Variants in CERS2 observed in about 807,000 individuals in gnomAD.
CERS2 encodes ceramide synthase 2.
In CERS2, 20 loss-of-function variants were observed where a neutral mutation model predicts 56.6. That is an observed-to-expected ratio of 0.35 (90% CI 0.25 to 0.51). The LOEUF is 0.51. Among genes scored for constraint, CERS2 ranks in the 20% least tolerant of loss-of-function variants. The probability of loss-of-function intolerance (pLI) is 0.96; values close to 1 mark genes in which losing one functional copy is unlikely to be tolerated. For missense variants in CERS2, 361 were observed against 488.6 expected (o/e 0.74, Z 2.46); for synonymous variants, 187 against 175.4 (o/e 1.07, Z -0.52).
At position 150,966,217 on chromosome 1, in the gene CERS2, T is replaced by TC; in HGVS notation, c.1073dup (p.Gly359ArgfsTer16). On this transcript the variant is annotated frameshift_variant, in exon 11 of 11. Coordinates refer to ENST00000368954, the MANE Select transcript of CERS2 (RefSeq NM_022075.5). LOFTEE classifies it high-confidence loss of function. ...TGGCTAGGGGCCGGCTCTTTGCTCC[T>TC]CCCCCAGCTGCAGCCTCCTCCCCCT... 6.2e-7 allele frequency: 1 copy of TC among 1,607,264 alleles called. No individual in the cohort carries two copies. The highest frequency in any genetic ancestry group is 8.5e-7 in the Non-Finnish European group (1 of 1,178,146).
At chr1:150,969,170 TG>T in intron 1 of CERS2, 79 bp from the exon 2 acceptor site, 3 of 1,309,966 alleles carry the variant, frequency 2.3e-6, no homozygotes, top group Non-Finnish European at 3.2e-6. Context: ...GTTTTCAGGA[TG>T]TATCAAAAGG....
In CERS2 at chr1:150,966,098, G is replaced by T. The variant is rs766147664; in HGVS notation, c.*50C>A. The T allele has an allele frequency of 7.6e-6, 12 of 1,574,448 alleles. No homozygotes were observed. In the South Asian group the frequency reaches 1.1e-4, roughly 15 times the overall value. On this transcript the variant is annotated 3_prime_UTR_variant, in exon 11 of 11. Coordinates refer to ENST00000368954, the MANE Select transcript of CERS2 (RefSeq NM_022075.5). ...GTGACCCTATAGCGCAGGGAGCGGG[G>T]TAGTTCCTTGGCTTTATGCATTAAT...
chr1:150,968,216 G>A lies in CERS2; in HGVS notation c.292-15C>T. On this transcript the variant is annotated splice_polypyrimidine_tract_variant and intron_variant, in intron 3 of 10. Coordinates refer to ENST00000368954, the MANE Select transcript of CERS2 (RefSeq NM_022075.5). ...TCTACTTCCACCTGGGCACAGTGAA[G>A]AAGCCCATTGTTATGTTTACCTTCG... The A allele has an allele frequency of 6.2e-7, 1 of 1,606,488 alleles. No homozygotes were observed. Among genetic ancestry groups the A allele is most frequent in the Non-Finnish European group, 8.5e-7 (1 of 1,177,440 alleles).
At position 150,968,543 on chromosome 1, in the gene CERS2, C is replaced by T. The variant is rs989321294; in HGVS notation, c.174-31G>A. 5 of 1,538,422 alleles carry T rather than the reference C, an allele frequency of 3.3e-6. No individual in the cohort carries two copies. The East Asian group carries it at 6.7e-5, about 21-fold the overall frequency. Reference sequence around the variant, plus strand: ...GAAGGGATATGAGTAAGGTATCTAGCTTGCTGGGAAGGGAAAGGGCTGCAA... The same window carrying T: ...GAAGGGATATGAGTAAGGTATCTAGTTTGCTGGGAAGGGAAAGGGCTGCAA... On this transcript the variant is annotated intron_variant, in intron 2 of 10. Transcript: ENST00000368954.
chr1:150,967,101 C>G lies in CERS2; in HGVS notation c.714G>C (p.Leu238=). ...CCAGCAGGTAATCGGAAGAGTCATG[C>G]AGAGCCATGATTAGAGTCCCAGCTC... ...YIRAGTLIMA[L]HDSSDYLLES... The change falls in exon 8 of 11, where the codon CTG becomes CTC. Residue 238 remains leucine, a synonymous_variant. Transcript: ENST00000368954. The G allele has an allele frequency of 6.2e-7, 1 of 1,614,058 alleles. No homozygotes were observed. The highest frequency in any genetic ancestry group is 8.5e-7 in the Non-Finnish European group (1 of 1,179,938).
rs1671277544 is a variant in CERS2, at chr1:150,974,704, T to A, written c.-87A>T. On this transcript the variant is annotated 5_prime_UTR_variant, in exon 1 of 11. Coordinates refer to ENST00000368954, the MANE Select transcript of CERS2 (RefSeq NM_022075.5). ...TTGCTCCGAGGCCCCGAGGCCTGGC[T>A]CCCCGCGCCTCTCCTCCCTCTTCCG... The A allele has an allele frequency of 6.8e-6, 1 of 147,348 alleles. No homozygotes were observed. The highest frequency in any genetic ancestry group is 2.5e-5 in the African/African-American group (1 of 39,540). The allele number at this position is 147,348 out of a possible 1,614,324, so 9.1% of individuals were successfully genotyped here. A position where few individuals can be genotyped will look rare whatever the true frequency, so the allele number is the denominator to read the frequency against.
chr1:150,968,646 A>T (rs1330643713), intron 2 of CERS2, 134 bp from the exon 3 acceptor site: 4 of 773,340 alleles, frequency 5.2e-6, no homozygotes, highest in East Asian at 4.9e-5. Flanking sequence ...AGGGCTGCCC[A>T]CAGCTGACAA....
intron 10 of CERS2, 49 bp downstream of exon 10, chr1:150,966,426 AG>A: frequency 6.2e-7 from 1 of 1,605,978 alleles, no homozygotes; most frequent in Non-Finnish European, 8.5e-7. Flanking sequence ...ATGGGAGTTC[AG>A]GAAGTTGTAG....
At chr1:150,966,332 A>G in intron 10 of CERS2, 44 bp from the exon 11 acceptor site, 1 of 1,603,150 alleles carries the variant, frequency 6.2e-7, no homozygotes, top group South Asian at 1.1e-5. Context: ...AGATCCTCAA[A>G]CCCCTAAGTA....
In CERS2 at chr1:150,967,211, A is replaced by G; in HGVS notation, c.613-9T>C. 1 of 1,613,290 alleles carries G rather than the reference A, an allele frequency of 6.2e-7. No individual in the cohort carries two copies. The highest frequency in any genetic ancestry group is 8.5e-7 in the Non-Finnish European group (1 of 1,179,296). On this transcript the variant is annotated splice_polypyrimidine_tract_variant and intron_variant, in intron 7 of 10. Coordinates refer to ENST00000368954, the MANE Select transcript of CERS2 (RefSeq NM_022075.5). ...ATCTGTTCCTTGAAATCCTGCAGAGATGATGCAGGCCCCAGGGCCTTTTTT... is the reference window on the plus strand; with the variant it reads ...ATCTGTTCCTTGAAATCCTGCAGAGGTGATGCAGGCCCCAGGGCCTTTTTT...
At position 150,965,342 on chromosome 1, in the gene CERS2, G is replaced by A. The variant is rs9436017; in HGVS notation, c.*806C>T. 5 of 152,346 alleles carry A rather than the reference G, an allele frequency of 3.3e-5. No individual in the cohort carries two copies. Among genetic ancestry groups the A allele is most frequent in the African/African-American group, 1.2e-4 (5 of 41,358 alleles). The allele number at this position is 152,346 out of a possible 1,614,324, so 9.4% of individuals were successfully genotyped here. ...CATTTTGGTCTAAAATGGTCCCTCTGCTGAAATGCTAGGTGCTAGCCGTAA... is the reference window on the plus strand; with the variant it reads ...CATTTTGGTCTAAAATGGTCCCTCTACTGAAATGCTAGGTGCTAGCCGTAA... On this transcript the variant is annotated 3_prime_UTR_variant, in exon 11 of 11. Coordinates refer to ENST00000368954, the MANE Select transcript of CERS2 (RefSeq NM_022075.5).
chr1:150,973,545 C>G (rs1230421858), intron 1 of CERS2, among the ~76,000 whole-genome samples: 3 of 152,224 alleles, frequency 2.0e-5, no homozygotes, highest in African/African-American at 7.2e-5. Context: ...CTGTGCAGAT[C>G]ACGGTATGGT....
intron 1 of CERS2, chr1:150,972,036 G>A (rs962662019): frequency 4.9e-6 from 2 of 406,434 alleles, no homozygotes; most frequent in Non-Finnish European, 1.0e-5. Flanking sequence ...CTGGACTCCT[G>A]GGGCCCAGGA....
intron 1 of CERS2, among the ~76,000 whole-genome samples, chr1:150,972,393 C>T (rs1270048103): frequency 1.3e-5 from 2 of 152,124 alleles, no homozygotes; most frequent in Non-Finnish European, 2.9e-5. Context: ...GGGGCCTGGC[C>T]GGCCTCACTT....
rs1290846263 is a variant in CERS2, at chr1:150,968,388, C to T, written c.291+7G>A. 1.2e-6 allele frequency: 2 copies of T among 1,608,120 alleles called. No individual in the cohort carries two copies. Among genetic ancestry groups the T allele is most frequent in the Admixed American group, 1.7e-5 (1 of 60,010 alleles). Reference sequence around the variant, plus strand: ...TTCCCAGAGCCAGAGCAGCATGCGGCTCATACCTGCTTGGGCTGCTTGCCA... The same window carrying T: ...TTCCCAGAGCCAGAGCAGCATGCGGTTCATACCTGCTTGGGCTGCTTGCCA... On this transcript the variant is annotated splice_region_variant and intron_variant, in intron 3 of 10. Transcript: ENST00000368954.
intron 1 of CERS2, among the ~76,000 whole-genome samples, chr1:150,970,924 C>A (rs374037254): frequency 1.3e-5 from 2 of 152,222 alleles, no homozygotes; most frequent in South Asian, 2.1e-4. Context: ...ACCTCCTCCC[C>A]CAACTGAAAG....
intron 1 of CERS2, among the ~76,000 whole-genome samples, chr1:150,970,079 T>C (rs1671137927): frequency 6.6e-6 from 1 of 151,474 alleles, no homozygotes; most frequent in Non-Finnish European, 1.5e-5. Context: ...AATACAAAAA[T>C]TAGCTGGATG....
chr1:150,966,566 GAAGT>G lies in CERS2; in HGVS notation c.908_911del (p.Tyr303SerfsTer5), dbSNP rs1263288316. ...GTAGAACTCCCATCATGGAATTGAA[GAAGT>G]AATAGCCAAAGAAGGCAGGATAGAG... On this transcript the variant is annotated frameshift_variant, in exon 10 of 11. Coordinates refer to ENST00000368954, the MANE Select transcript of CERS2 (RefSeq NM_022075.5). LOFTEE classifies it high-confidence loss of function. The G allele has an allele frequency of 6.2e-7, 1 of 1,613,946 alleles. No individual in the cohort carries two copies. The highest frequency in any genetic ancestry group is 8.5e-7 in the Non-Finnish European group (1 of 1,179,982).
At chr1:150,967,268 C>A (rs11204750) in intron 7 of CERS2, 66 bp from the exon 8 acceptor site, 573,882 of 1,563,400 alleles carry the variant, frequency 0.37, 109,354 homozygotes, top group Admixed American at 0.54. Context: ...CCTTCTTACC[C>A]CTTGCCTTTG....
Sources: gnomAD v4.1 joint callset for allele counts (sites outside exome capture counted in the v4.1 genomes callset) on GRCh38, gnomAD v4.1.1 for gene constraint, MANE v1.5 for transcripts, NCBI Gene and HGNC (gene_info 2026-07-23, HGNC 2026-07-21) for gene names.